ZNF831: variants seen among roughly 807,000 people sequenced by gnomAD.
The protein encoded by ZNF831 is zinc finger protein 831.
ZNF831 carries 59 observed loss-of-function variants against 95.8 expected under a neutral mutation model. That is an observed-to-expected ratio of 0.62 (90% confidence interval 0.50 to 0.77). The LOEUF (loss-of-function observed/expected upper bound fraction) is 0.77. ZNF831 is among the 30% of genes least tolerant of loss of function. ZNF831 has a pLI of 0.00. For synonymous variants in ZNF831, 961 were observed against 925.5 expected (o/e 1.04, Z -0.70); for missense variants, 2,205 against 2,164.0 (o/e 1.02, Z -0.38).
chr20:59,175,869 C>T (rs1180479740), intron 1 of ZNF831, among the ~76,000 whole-genome samples: 4 of 152,178 alleles, frequency 2.6e-5, no homozygotes, highest in African/African-American at 9.7e-5. Flanking sequence ...GGTTTAGTGA[C>T]CCTTCTGTGT....
chr20:59,191,662 G>A lies in ZNF831; in HGVS notation c.643G>A (p.Glu215Lys), dbSNP rs2146551315. 1 of 1,560,362 alleles carries A rather than the reference G, an allele frequency of 6.4e-7. No individual in the cohort carries two copies. The change falls in exon 2 of 6, where the codon GAG becomes AAG. Residue 215 changes from glutamate (E) to lysine (K), a missense_variant. Physicochemically the swap from Glu to Lys is moderately conservative, Grantham distance 56. Transcript: ENST00000371030. ...CGAGGGCGCCGGGGGCGGCCTCCTGGAGGAAGGGGACAAGGCCGGAGAGCC... is the reference window on the plus strand; with the variant it reads ...CGAGGGCGCCGGGGGCGGCCTCCTGAAGGAAGGGGACAAGGCCGGAGAGCC... ...ESEGAGGGLLEEGDKAGEPPR... is the reference protein window; with the variant it reads ...ESEGAGGGLLKEGDKAGEPPR...
chr20:59,206,879 T>G (rs377247893), intron 3 of ZNF831, 26 bp from the exon 4 acceptor site: 12 of 1,608,392 alleles, frequency 7.5e-6, no homozygotes, highest in Non-Finnish European at 1.0e-5. Flanking sequence ...GGCTGGTTAC[T>G]GCAAGCATGC....
At position 59,208,954 on chromosome 20, in the gene ZNF831, C is replaced by T. The variant is rs932435457; in HGVS notation, c.4027+1898C>T. ...AAATGGAGCTGCTCCTGGAACTCCC[C>T]GTCAGCCTCCCTGCTTAGCTCCCCA... On this transcript the variant is annotated intron_variant, in intron 4 of 5. Transcript: ENST00000371030. This position sits in a 1 kb window ranked among gnomAD's most constrained non-coding sequence, Gnocchi z 4.2. Among the ~76,000 whole-genome samples the T allele has an allele frequency of 7.2e-5, 11 of 152,140 alleles. No individual in the cohort carries two copies. The highest frequency in any genetic ancestry group is 2.6e-4 in the Admixed American group (4 of 15,280).
At chr20:59,215,342 T>C (rs911966803) in intron 4 of ZNF831, among the ~76,000 whole-genome samples, 2 of 152,222 alleles carry the variant, frequency 1.3e-5, no homozygotes, top group African/African-American at 2.4e-5. Flanking sequence ...TGAAGTCTTA[T>C]TGATTGAGGG....
chr20:59,206,080 C>T (rs1568768486), intron 3 of ZNF831, among the ~76,000 whole-genome samples: 1 of 152,188 alleles, frequency 6.6e-6, no homozygotes, highest in Non-Finnish European at 1.5e-5. Context: ...GTCATCATGC[C>T]TTCCCTCTGA....
At chr20:59,134,393 T>C (rs1468938599) in intron 1 of ZNF831, among the ~76,000 whole-genome samples, 4 of 152,316 alleles carry the variant, frequency 2.6e-5, no homozygotes, top group East Asian at 1.9e-4. Context: ...GTGCCTGACA[T>C]GTAGAACGTC....
chr20:59,167,590 C>T (rs949939793), intron 1 of ZNF831, among the ~76,000 whole-genome samples: 27 of 152,068 alleles, frequency 1.8e-4, no homozygotes. Context: ...TTATATTTCA[C>T]ATTTAAGACT....
At chr20:59,182,523 T>C (rs1207176917) in intron 1 of ZNF831, among the ~76,000 whole-genome samples, 1 of 151,992 alleles carries the variant, frequency 6.6e-6, no homozygotes, top group Non-Finnish European at 1.5e-5. Context: ...GGGACGGGGA[T>C]GGCTGAGCGC....
chr20:59,134,833 C>T (rs563370451), intron 1 of ZNF831, among the ~76,000 whole-genome samples: 20 of 152,250 alleles, frequency 1.3e-4, no homozygotes, highest in African/African-American at 4.3e-4. Flanking sequence ...GGAAGTCATT[C>T]GATCTCTTTG....
chr20:59,184,315 A>G (rs1982841788), intron 1 of ZNF831, among the ~76,000 whole-genome samples: 1 of 152,198 alleles, frequency 6.6e-6, no homozygotes, highest in Non-Finnish European at 1.5e-5. Context: ...TTTTGCAATT[A>G]CAATGCTGAT....
rs555225326 is a variant in ZNF831, at chr20:59,199,154, C to G, written c.3875+3149C>G. On this transcript the variant is annotated intron_variant, in intron 3 of 5. Coordinates refer to ENST00000371030, the MANE Select transcript of ZNF831 (RefSeq NM_178457.3). ...ATCTATCACGTAACCCTTGTGTTCT[C>G]TCCTCAAGAAGGAAGCCTACTTCTT... Among the ~76,000 whole-genome samples, 210 of 148,920 alleles carry G rather than the reference C, an allele frequency of 1.4e-3. 1 individual carries two copies. Among genetic ancestry groups the G allele is most frequent in the African/African-American group, 5.0e-3 (203 of 40,228 alleles).
chr20:59,235,376 G>T (rs2146708988), intron 4 of ZNF831, among the ~76,000 whole-genome samples: 1 of 152,240 alleles, frequency 6.6e-6, no homozygotes, highest in Non-Finnish European at 1.5e-5. Context: ...TCATCTCTCT[G>T]CTGCTGCATG....
Position 59,192,646 on chromosome 20 carries a change from G to A in ZNF831, c.1627G>A (p.Gly543Ser), listed in dbSNP as rs1205332754. 1 of 1,506,772 alleles carries A rather than the reference G, an allele frequency of 6.6e-7. No individual in the cohort carries two copies. The allele number at this position is 1,506,772 out of a possible 1,614,324, so 93.3% of individuals were successfully genotyped here. Residue 543 changes from glycine (G) to serine (S), a missense_variant, in exon 2 of 6, where the codon GGC becomes AGC. Physicochemically the swap from Gly to Ser is moderately conservative, Grantham distance 56. Transcript: ENST00000371030. This position sits in a 1 kb window ranked among gnomAD's most constrained non-coding sequence, Gnocchi z 5.2. ...LSPRPGPARL[G>S]CRSGLSSTDV... ...CCCCAGGCCCGGCCCAGCCCGCCTG[G>A]GCTGCCGCTCGGGACTAAGCTCGAC...
chr20:59,187,712 T>C (rs1198003082), intron 1 of ZNF831, among the ~76,000 whole-genome samples: 1 of 152,194 alleles, frequency 6.6e-6, no homozygotes, highest in Non-Finnish European at 1.5e-5. Flanking sequence ...ACTTAGTACA[T>C]TCATAGTTTT....
At chr20:59,162,834 G>A (rs1302944963), upstream of ZNF831, among the ~76,000 whole-genome samples, 2 of 152,214 alleles carry the variant, frequency 1.3e-5, no homozygotes, top group East Asian at 3.8e-4. Flanking sequence ...TGTGAAAAAT[G>A]ACATTGGTAA....
chr20:59,133,913 A>G lies in ZNF831; in HGVS notation c.-1425+10408A>G, dbSNP rs147899943. Among the ~76,000 whole-genome samples the G allele has an allele frequency of 2.6e-5, 4 of 152,364 alleles. No homozygotes were observed. In the East Asian group the frequency reaches 7.7e-4, roughly 29 times the overall value. The stretch of plus-strand genomic sequence containing the variant: ...GCATCATTGCCATCAAGTGCAGGTC[A>G]CTGGTCAGCAGTGCCGTGGGATAAG... On this transcript the variant is annotated intron_variant, in intron 1 of 7. Coordinates refer to the ZNF831 transcript ENST00000637017.
At position 59,254,292 on chromosome 20, in the gene ZNF831, C is replaced by T. The variant is rs1180146850; in HGVS notation, c.4583C>T (p.Ser1528Phe). The T allele has an allele frequency of 6.2e-7, 1 of 1,614,030 alleles. No homozygotes were observed. The highest frequency in any genetic ancestry group is 2.2e-5 in the East Asian group (1 of 44,860). Residue 1528 changes from serine to phenylalanine, a missense_variant, in exon 6 of 6, where the codon TCC becomes TTC. Ser to Phe is a radical substitution (Grantham distance 155). Transcript: ENST00000371030. This position sits in a 1 kb window ranked among gnomAD's most constrained non-coding sequence, Gnocchi z 4.5. ...GCAGGGAGGACTCTGACATCAAGCT[C>T]CCCAGACAGCAAAGTCACAGAAGAG... ...QTAGRTLTSS[S>F]PDSKVTEEGR... is the part of the protein sequence containing the mutation.
intron 4 of ZNF831, among the ~76,000 whole-genome samples, chr20:59,226,526 C>T (rs935350564): frequency 3.3e-5 from 5 of 151,900 alleles, no homozygotes; most frequent in Non-Finnish European, 7.4e-5. Flanking sequence ...AAATGCAGCT[C>T]TTTCTCGTTC....
At chr20:59,135,926 A>G (rs886214933) in intron 1 of ZNF831, among the ~76,000 whole-genome samples, 1 of 152,110 alleles carries the variant, frequency 6.6e-6, no homozygotes, top group Non-Finnish European at 1.5e-5. Context: ...GTGATCCATG[A>G]TGGCACCACT....
Sources: gnomAD v4.1 joint callset for allele counts (sites outside exome capture counted in the v4.1 genomes callset) on GRCh38, gnomAD v4.1.1 for gene constraint, Gnocchi (gnomAD v3.1) non-coding constraint, MANE v1.5 for transcripts, NCBI Gene and HGNC (gene_info 2026-07-23, HGNC 2026-07-21) for gene names.